Variants in PPP2R3A observed in about 807,000 individuals in gnomAD.
PPP2R3A encodes the protein protein phosphatase 2 regulatory subunit B''alpha.
PPP2R3A carries 80 observed loss-of-function variants against 106.9 expected under a neutral mutation model. The ratio of observed to expected loss-of-function variants is 0.75; its 90% CI spans 0.62 to 0.90. The LOEUF (loss-of-function observed/expected upper bound fraction) is 0.90. Among genes scored for constraint, PPP2R3A ranks in the 40% least tolerant of loss-of-function variants. The pLI is 0.00. For missense variants in PPP2R3A, 1,386 were observed against 1,350.4 expected (o/e 1.03, Z -0.41); for synonymous variants, 483 against 468.3 (o/e 1.03, Z -0.41).
At chr3:136,129,926 TC>T (rs749650645) in intron 13 of PPP2R3A, among the ~76,000 whole-genome samples, 1 of 152,122 alleles carries the variant, frequency 6.6e-6, no homozygotes, top group Non-Finnish European at 1.5e-5. Context: ...CACGATTATC[TC>T]AATAGATGCA....
chr3:135,975,339 GC>G (rs137965145), intron 1 of PPP2R3A, among the ~76,000 whole-genome samples: 4 of 152,284 alleles, frequency 2.6e-5, no homozygotes, highest in Admixed American at 6.5e-5. Flanking sequence ...TTCATCAGGG[GC>G]AGTGTTTCTC....
intron 8 of PPP2R3A, among the ~76,000 whole-genome samples, chr3:136,085,559 C>T (rs1249533665): frequency 6.6e-6 from 1 of 151,944 alleles, no homozygotes; most frequent in Non-Finnish European, 1.5e-5. Context: ...GGATTACAGG[C>T]ATGATCCACC....
At chr3:136,016,001 T>A (rs139366056) in intron 2 of PPP2R3A, among the ~76,000 whole-genome samples, 4,834 of 152,228 alleles carry the variant, frequency 0.032, 267 homozygotes, top group African/African-American at 0.11. Context: ...ATCCCCGAGG[T>A]TTTGATAGGT....
intron 13 of PPP2R3A, among the ~76,000 whole-genome samples, chr3:136,127,061 A>G (rs558570117): frequency 1.3e-5 from 2 of 152,330 alleles, no homozygotes; most frequent in East Asian, 3.9e-4. Flanking sequence ...ATGGGGAGAA[A>G]CCAGATCAGA....
chr3:136,076,282 G>A (rs139784481), intron 6 of PPP2R3A, among the ~76,000 whole-genome samples: 4 of 152,108 alleles, frequency 2.6e-5, no homozygotes, highest in Admixed American at 1.3e-4. Flanking sequence ...TTCTTCTTCC[G>A]CCCAATAGCC....
intron 1 of PPP2R3A, among the ~76,000 whole-genome samples, chr3:135,966,974 C>T (rs1937108234): frequency 6.6e-6 from 1 of 151,722 alleles, no homozygotes; most frequent in Admixed American, 6.6e-5. Flanking sequence ...AGTAGGCAGC[C>T]GGCTTGTGTT....
intron 3 of PPP2R3A, among the ~76,000 whole-genome samples, chr3:136,038,797 A>G (rs1490717695): frequency 1.3e-5 from 2 of 152,228 alleles, no homozygotes; most frequent in Non-Finnish European, 2.9e-5. Context: ...AACAGCTTAT[A>G]CAGCCAGAGT....
chr3:136,061,733 A>G (rs1214299276), intron 5 of PPP2R3A, among the ~76,000 whole-genome samples: 4 of 152,096 alleles, frequency 2.6e-5, no homozygotes, highest in Non-Finnish European at 5.9e-5. Context: ...ATCCTGGCTA[A>G]CACAGTGAAA....
chr3:136,110,468 A>T (rs1937577287), intron 13 of PPP2R3A, among the ~76,000 whole-genome samples: 2 of 152,340 alleles, frequency 1.3e-5, no homozygotes, highest in South Asian at 4.1e-4. Context: ...TTGATTTGGG[A>T]TACTGGCGTA....
intron 3 of PPP2R3A, among the ~76,000 whole-genome samples, chr3:136,032,517 AATTT>A (rs1934933105): frequency 7.0e-6 from 1 of 143,088 alleles, no homozygotes. Context: ...TTAATTAATT[AATTT>A]ATTTATTTAT....
intron 2 of PPP2R3A, among the ~76,000 whole-genome samples, chr3:136,013,767 G>C (rs1934174831): frequency 6.6e-6 from 1 of 151,574 alleles, no homozygotes; most frequent in African/African-American, 2.4e-5. Context: ...TCCTTTGTCA[G>C]ATGCATAGTT....
At chr3:136,126,474 G>A (rs1014829598) in intron 13 of PPP2R3A, among the ~76,000 whole-genome samples, 1 of 152,194 alleles carries the variant, frequency 6.6e-6, no homozygotes, top group African/African-American at 2.4e-5. Flanking sequence ...CAGGAAGCTC[G>A]AACTGGGCAG....
At chr3:135,981,283 G>T (rs941699397) in intron 1 of PPP2R3A, among the ~76,000 whole-genome samples, 29 of 151,926 alleles carry the variant, frequency 1.9e-4, no homozygotes, top group African/African-American at 5.3e-4. Context: ...AGCTGTAGCA[G>T]ATTGTCTTCT....
At chr3:135,972,943 G>A (rs376106683) in intron 1 of PPP2R3A, among the ~76,000 whole-genome samples, 2 of 152,026 alleles carry the variant, frequency 1.3e-5, no homozygotes, top group African/African-American at 2.4e-5. Flanking sequence ...TTTTTAATTC[G>A]TGTGAAGTTG....
rs537997573 is a variant in PPP2R3A, at chr3:135,975,434, G to A, written c.-441+9585G>A. 1.4e-4 allele frequency among the ~76,000 whole-genome samples: 22 copies of A among 152,282 alleles called. No individual in the cohort carries two copies. The South Asian group carries it at 1.7e-3, about 11-fold the overall frequency. On this transcript the variant is annotated intron_variant, in intron 1 of 13. Coordinates refer to ENST00000264977, the MANE Select transcript of PPP2R3A (RefSeq NM_002718.5). ...TAAAATCTGGAATGGTGTCTGTTCT[G>A]ATTTGTTGTTTTAGAAGAAAAGGTA...
chr3:136,037,224 T>G (rs1935115024), intron 3 of PPP2R3A, among the ~76,000 whole-genome samples: 1 of 152,256 alleles, frequency 6.6e-6, no homozygotes, highest in Non-Finnish European at 1.5e-5. Flanking sequence ...GTTGGTGAAG[T>G]TTAGCTCATT....
Position 136,003,635 on chromosome 3 carries a change from CAG to C in PPP2R3A, c.1995+145_1995+146del, listed in dbSNP as rs1436755256. ...ACACTAGGAATGATCTCACTCAGCT[CAG>C]AGTCAGTAAAAAGCAAAGATTATAC... On this transcript the variant is annotated intron_variant, in intron 2 of 13. Transcript: ENST00000264977. The C allele has an allele frequency of 5.1e-5, 34 of 663,024 alleles. No individual in the cohort carries two copies. In the Admixed American group the frequency reaches 1.2e-3, roughly 22 times the overall value. The allele number at this position is 663,024 out of a possible 1,614,324, so 41.1% of individuals were successfully genotyped here.
chr3:136,131,330 A>G (rs1342725398), intron 13 of PPP2R3A, among the ~76,000 whole-genome samples: 1 of 152,212 alleles, frequency 6.6e-6, no homozygotes, highest in Non-Finnish European at 1.5e-5. Flanking sequence ...GAAAAAAACA[A>G]CCCCATCAAA....
At chr3:136,141,727 C>T (rs1308782705) in intron 13 of PPP2R3A, among the ~76,000 whole-genome samples, 4 of 152,142 alleles carry the variant, frequency 2.6e-5, no homozygotes, top group Non-Finnish European at 4.4e-5. Flanking sequence ...AAGACCATAA[C>T]CTATTCCAAC....
Sources: gnomAD v4.1 joint callset for allele counts (sites outside exome capture counted in the v4.1 genomes callset) on GRCh38, gnomAD v4.1.1 for gene constraint, MANE v1.5 for transcripts, NCBI Gene and HGNC (gene_info 2026-07-23, HGNC 2026-07-21) for gene names.